The following FKBP5 variants were observed in gnomAD, a reference collection of about 807,000 sequenced individuals.
The protein encoded by FKBP5 is peptidyl-prolyl cis-trans isomerase FKBP5.
In FKBP5, 23 loss-of-function variants were observed where a neutral mutation model predicts 50.5. The observed-to-expected ratio is 0.46, with a 90% CI of 0.33 to 0.65. The LOEUF (loss-of-function observed/expected upper bound fraction) is 0.65. FKBP5 is among the 30% of genes least tolerant of loss of function. The pLI is 0.02. For missense variants in FKBP5, 411 were observed against 553.1 expected (o/e 0.74, Z 2.58); for synonymous variants, 176 against 190.6 (o/e 0.92, Z 0.63).
At chr6:35,635,955 T>C (rs1448025382) in intron 3 of FKBP5, among the ~76,000 whole-genome samples, 1 of 152,232 alleles carries the variant, frequency 6.6e-6, no homozygotes, top group Non-Finnish European at 1.5e-5. Flanking sequence ...ACTGTACAAC[T>C]TGTAAGATTC....
chr6:35,651,314 AC>A (rs1389212073), intron 1 of FKBP5, among the ~76,000 whole-genome samples: 1 of 152,172 alleles, frequency 6.6e-6, no homozygotes, highest in East Asian at 1.9e-4. Flanking sequence ...ATCTTTTTAA[AC>A]TTAGGGAAAA....
chr6:35,699,804 T>C lies in FKBP5; in HGVS notation c.-20+20524A>G, dbSNP rs566167001. Among the ~76,000 whole-genome samples, 4 of 152,268 alleles carry C rather than the reference T, an allele frequency of 2.6e-5. No individual in the cohort carries two copies. In the South Asian group the frequency reaches 8.3e-4, roughly 32 times the overall value. The stretch of plus-strand genomic sequence containing the variant: ...GCTCACGCCTGTTATCTTATCACTT[T>C]GGGAGGCCGATGCGGGCAGATTACC... On this transcript the variant is annotated intron_variant, in intron 2 of 11. Transcript: ENST00000536438.
At chr6:35,703,626 C>A (rs1286929922) in intron 2 of FKBP5, among the ~76,000 whole-genome samples, 1 of 152,152 alleles carries the variant, frequency 6.6e-6, no homozygotes, top group South Asian at 2.1e-4. Flanking sequence ...TGGTCCAATT[C>A]TAATTGGCCT....
chr6:35,687,925 T>C (rs1332285011), intron 1 of FKBP5, among the ~76,000 whole-genome samples: 2 of 152,244 alleles, frequency 1.3e-5, no homozygotes, highest in African/African-American at 2.4e-5. Context: ...CTGACGCTCG[T>C]AGTGTCTTTT....
At chr6:35,654,503 C>T (rs1764894916) in intron 1 of FKBP5, among the ~76,000 whole-genome samples, 1 of 152,184 alleles carries the variant, frequency 6.6e-6, no homozygotes, top group South Asian at 2.1e-4. Flanking sequence ...CCCTCATTGT[C>T]TTTTAATACC....
At chr6:35,609,937 T>C (rs1400857386) in intron 5 of FKBP5, among the ~76,000 whole-genome samples, 1 of 152,230 alleles carries the variant, frequency 6.6e-6, no homozygotes, top group Admixed American at 6.5e-5. Flanking sequence ...CTTCTTCTGT[T>C]AGTCCATTTT....
chr6:35,662,205 T>A (rs528927293), intron 1 of FKBP5, among the ~76,000 whole-genome samples: 3 of 152,170 alleles, frequency 2.0e-5, no homozygotes, highest in African/African-American at 7.2e-5. Context: ...GGCTAGTTTG[T>A]ATTATTTTCT....
chr6:35,694,122 A>G (rs1766045427), intron 2 of FKBP5, among the ~76,000 whole-genome samples: 1 of 152,032 alleles, frequency 6.6e-6, no homozygotes, highest in Admixed American at 6.6e-5. Context: ...TACAGGTGTG[A>G]GCCACTGCAC....
chr6:35,617,665 A>C (rs945988384), intron 5 of FKBP5, among the ~76,000 whole-genome samples: 1 of 152,242 alleles, frequency 6.6e-6, no homozygotes, highest in Admixed American at 6.5e-5. Context: ...CCATGCAGAA[A>C]GCCTTTACTG....
chr6:35,684,344 A>AACTTTTGT (rs1765763297), intron 1 of FKBP5, among the ~76,000 whole-genome samples: 1 of 151,930 alleles, frequency 6.6e-6, no homozygotes, highest in Non-Finnish European at 1.5e-5. Flanking sequence ...ACACCTGGCT[A>AACTTTTGT]ACTTTTGTAC....
intron 2 of FKBP5, among the ~76,000 whole-genome samples, chr6:35,696,192 G>A (rs903663214): frequency 2.7e-5 from 4 of 148,704 alleles, no homozygotes; most frequent in African/African-American, 9.9e-5. Flanking sequence ...TGTATGCAGA[G>A]GTTTTTTAAA....
At chr6:35,586,459 T>C in intron 8 of FKBP5, 1 of 986,422 alleles carries the variant, frequency 1.0e-6, no homozygotes, top group African/African-American at 1.7e-5. Flanking sequence ...TCTAGTGACT[T>C]CATCAAGACA....
In FKBP5 at chr6:35,644,341, T is replaced by C. The variant is rs114579259; in HGVS notation, c.-19-1498A>G. ...ACAAACTTAATGCCCCCTAAACTCA[T>C]CTCCTGAGCCTTCTTGTCTACAGAG... On this transcript the variant is annotated intron_variant, in intron 1 of 10. Transcript: ENST00000357266. Among the ~76,000 whole-genome samples, 128 of 152,342 alleles carry C rather than the reference T, an allele frequency of 8.4e-4. 1 individual carries two copies. The highest frequency in any genetic ancestry group is 3.0e-3 in the African/African-American group (123 of 41,574).
At chr6:35,638,593 T>G (rs1764387806) in intron 2 of FKBP5, among the ~76,000 whole-genome samples, 2 of 152,022 alleles carry the variant, frequency 1.3e-5, no homozygotes, top group Admixed American at 6.6e-5. Flanking sequence ...AATTTTTTTA[T>G]TTTTAGTAGA....
intron 6 of FKBP5, 23 bp downstream of exon 6, chr6:35,597,225 T>C: frequency 1.9e-6 from 3 of 1,612,868 alleles, no homozygotes; most frequent in Non-Finnish European, 2.5e-6. Context: ...CTTCACTGTG[T>C]TCCAAACTGG....
At chr6:35,598,668 T>G (rs1032719310) in intron 5 of FKBP5, among the ~76,000 whole-genome samples, 14 of 152,168 alleles carry the variant, frequency 9.2e-5, no homozygotes, top group African/African-American at 3.4e-4. Flanking sequence ...AATATGATAA[T>G]TTGGATTTCA....
intron 4 of FKBP5, 36 bp from the exon 5 acceptor site, chr6:35,619,246 C>A: frequency 7.1e-7 from 1 of 1,409,656 alleles, no homozygotes; most frequent in South Asian, 1.2e-5. Flanking sequence ...GAGAAAAGAC[C>A]AAATAAAGCC....
At chr6:35,622,971 G>A (rs1198255899) in intron 3 of FKBP5, among the ~76,000 whole-genome samples, 1 of 152,230 alleles carries the variant, frequency 6.6e-6, no homozygotes, top group African/African-American at 2.4e-5. Context: ...GGCCGGGCGT[G>A]GTGGCTCACG....
intron 10 of FKBP5, among the ~76,000 whole-genome samples, chr6:35,576,362 G>T (rs1480810559): frequency 6.6e-6 from 1 of 152,062 alleles, no homozygotes; most frequent in Non-Finnish European, 1.5e-5. Flanking sequence ...ATCCTGATGG[G>T]TTTACAATTT....
Sources: allele counts gnomAD v4.1 joint callset (sites outside exome capture counted in the v4.1 genomes callset), GRCh38; gene constraint gnomAD v4.1.1; transcripts MANE v1.5; gene names NCBI Gene and HGNC (gene_info 2026-07-23, HGNC 2026-07-21).